The following EYS variants were observed in gnomAD, a reference collection of about 807,000 sequenced individuals.
The protein encoded by EYS is protein eyes shut homolog.
In EYS, 250 loss-of-function variants were observed where a neutral mutation model predicts 282.1. The observed-to-expected ratio is 0.89, with a 90% CI of 0.80 to 0.98. The LOEUF is 0.98. EYS is among the 50% of genes least tolerant of loss of function. The pLI, the probability that EYS is intolerant of heterozygous loss-of-function variation, is 0.00. For missense variants in EYS, 4,016 were observed against 3,709.0 expected (o/e 1.08, Z -2.15); for synonymous variants, 1,355 against 1,282.9 (o/e 1.06, Z -1.20).
intron 30 of EYS, among the ~76,000 whole-genome samples, chr6:64,283,008 A>AT (rs1324167795): frequency 6.6e-6 from 1 of 152,194 alleles, no homozygotes; most frequent in East Asian, 1.9e-4. Context: ...TGAAATTGAA[A>AT]TTTAAAATCT....
chr6:64,093,794 G>A (rs941732517), intron 31 of EYS, among the ~76,000 whole-genome samples: 4 of 152,108 alleles, frequency 2.6e-5, no homozygotes, highest in Non-Finnish European at 5.9e-5. Context: ...ACACTATGTT[G>A]AATAGGAGTG....
chr6:65,533,619 G>T (rs1184621456), intron 2 of EYS, among the ~76,000 whole-genome samples: 2 of 152,078 alleles, frequency 1.3e-5, no homozygotes, highest in Non-Finnish European at 2.9e-5. Flanking sequence ...GATTAGGTTA[G>T]AGGCCTCTGT....
At chr6:65,296,145 C>A in intron 11 of EYS, 26 bp from the exon 12 acceptor site, 1 of 1,528,348 alleles carries the variant, frequency 6.5e-7, no homozygotes, top group South Asian at 1.3e-5. Flanking sequence ...ATGAAAAACC[C>A]AATTAGTCAT....
At chr6:65,605,317 C>T (rs1765748612) in intron 2 of EYS, among the ~76,000 whole-genome samples, 2 of 146,326 alleles carry the variant, frequency 1.4e-5, no homozygotes, top group East Asian at 2.0e-4. Flanking sequence ...TAATGCATAA[C>T]TTCATTGTCG....
intron 31 of EYS, among the ~76,000 whole-genome samples, chr6:64,131,017 G>A (rs1465359294): frequency 6.6e-6 from 1 of 152,060 alleles, no homozygotes; most frequent in Non-Finnish European, 1.5e-5. Flanking sequence ...ATAGGCGTGT[G>A]CCACCATGCC....
At chr6:64,737,681 C>A (rs1414590576) in intron 22 of EYS, among the ~76,000 whole-genome samples, 1 of 152,166 alleles carries the variant, frequency 6.6e-6, no homozygotes, top group African/African-American at 2.4e-5. Context: ...GAGCTGCTTC[C>A]TTTGTAGACA....
At chr6:65,031,842 A>C (rs1288859625) in intron 13 of EYS, among the ~76,000 whole-genome samples, 1 of 146,254 alleles carries the variant, frequency 6.8e-6, no homozygotes, top group Non-Finnish European at 1.5e-5. Flanking sequence ...AGAACAAACA[A>C]ACCTGAAAGT....
At chr6:63,752,373 A>G (rs1582171434) in intron 41 of EYS, among the ~76,000 whole-genome samples, 1 of 151,900 alleles carries the variant, frequency 6.6e-6, no homozygotes, top group African/African-American at 2.4e-5. Context: ...AGTACTATGA[A>G]TATTATGCCT....
chr6:64,115,003 C>T (rs1773329056), intron 31 of EYS, among the ~76,000 whole-genome samples: 1 of 152,116 alleles, frequency 6.6e-6, no homozygotes, highest in African/African-American at 2.4e-5. Flanking sequence ...GAGCCACTGC[C>T]AAAATGAGGT....
intron 14 of EYS, among the ~76,000 whole-genome samples, chr6:64,996,503 T>A (rs185943550): frequency 6.6e-6 from 1 of 152,174 alleles, no homozygotes; most frequent in Non-Finnish European, 1.5e-5. Context: ...TAGTGTCACA[T>A]GTCCACTTCT....
intron 5 of EYS, among the ~76,000 whole-genome samples, chr6:65,431,391 G>A (rs185382551): frequency 1.3e-5 from 2 of 152,048 alleles, no homozygotes; most frequent in Admixed American, 6.5e-5. Flanking sequence ...TCCTTATTCT[G>A]TTCTGAAGAT....
At chr6:63,848,586 G>A (rs977126039) in intron 36 of EYS, among the ~76,000 whole-genome samples, 1 of 151,946 alleles carries the variant, frequency 6.6e-6, no homozygotes, top group African/African-American at 2.4e-5. Flanking sequence ...AAGGGGCTGG[G>A]AACTCCATCC....
chr6:64,931,233 C>G (rs1768712337), intron 15 of EYS, among the ~76,000 whole-genome samples: 1 of 151,988 alleles, frequency 6.6e-6, no homozygotes, highest in Non-Finnish European at 1.5e-5. Context: ...AAATGCAATT[C>G]TAATTTGATC....
chr6:63,976,502 G>T (rs1766843789), intron 35 of EYS, among the ~76,000 whole-genome samples: 2 of 152,018 alleles, frequency 1.3e-5, no homozygotes, highest in Non-Finnish European at 2.9e-5. Context: ...AGGCGCAAAT[G>T]AATACAGACT....
At chr6:63,793,602 T>C (rs2149673119) in intron 37 of EYS, among the ~76,000 whole-genome samples, 1 of 152,360 alleles carries the variant, frequency 6.6e-6, no homozygotes, top group Admixed American at 6.5e-5. Flanking sequence ...ATGGTGACTT[T>C]CTAAGTTAAG....
chr6:64,741,527 G>A (rs898982322), intron 22 of EYS, among the ~76,000 whole-genome samples: 1 of 152,134 alleles, frequency 6.6e-6, no homozygotes, highest in African/African-American at 2.4e-5. Flanking sequence ...TTGAAGCCAG[G>A]CACTGAATTC....
At chr6:65,579,518 G>T (rs1764796611) in intron 2 of EYS, among the ~76,000 whole-genome samples, 2 of 152,202 alleles carry the variant, frequency 1.3e-5, no homozygotes, top group Non-Finnish European at 1.5e-5. Context: ...CACAGTTCTG[G>T]AAGCTGAAAC....
chr6:64,107,577 C>T (rs1182900351), intron 31 of EYS, among the ~76,000 whole-genome samples: 1 of 151,874 alleles, frequency 6.6e-6, no homozygotes, highest in East Asian at 1.9e-4. Context: ...GATCTGCTCT[C>T]CTCAGCCCAC....
At chr6:64,563,895 T>C (rs1282613496) in intron 26 of EYS, among the ~76,000 whole-genome samples, 4 of 151,998 alleles carry the variant, frequency 2.6e-5, no homozygotes, top group African/African-American at 7.2e-5. Flanking sequence ...TCTACCAGTT[T>C]TTATTTTTAA....
Sources: allele counts gnomAD v4.1 joint callset (sites outside exome capture counted in the v4.1 genomes callset), GRCh38; gene constraint gnomAD v4.1.1; transcripts MANE v1.5; gene names NCBI Gene and HGNC (gene_info 2026-07-23, HGNC 2026-07-21).